The following ST6GALNAC5 variants were observed in gnomAD, a reference collection of about 807,000 sequenced individuals.
The protein encoded by ST6GALNAC5 is ST6 N-acetylgalactosaminide alpha-2,6-sialyltransferase 5.
Under a neutral mutation model 33.6 loss-of-function variants are expected in ST6GALNAC5, and 27 were observed. The observed-to-expected ratio is 0.80, with a 90% CI of 0.59 to 1.11. The LOEUF is 1.11. ST6GALNAC5 is among the 50% of genes least tolerant of loss of function. The pLI is 0.00. For synonymous variants in ST6GALNAC5, 194 were observed against 171.2 expected (o/e 1.13, Z -1.04); for missense variants, 428 against 454.0 (o/e 0.94, Z 0.52).
At chr1:76,920,279 A>T (rs1239355556) in intron 2 of ST6GALNAC5, among the ~76,000 whole-genome samples, 2 of 152,196 alleles carry the variant, frequency 1.3e-5, no homozygotes, top group Non-Finnish European at 2.9e-5. Flanking sequence ...TTAGAAATTT[A>T]AAAATCCAGG....
intron 2 of ST6GALNAC5, among the ~76,000 whole-genome samples, chr1:76,949,234 T>C (rs901864146): frequency 6.6e-6 from 1 of 152,122 alleles, no homozygotes; most frequent in African/African-American, 2.4e-5. Context: ...TTCTCATGAG[T>C]GTTAAGAACT....
rs576305916 is a variant in ST6GALNAC5 at position 77,004,769 on chromosome 1, C to T, written c.262-39435C>T. On this transcript the variant is annotated intron_variant, in intron 2 of 4. Transcript: ENST00000477717. ...CCTGCCGTGTGAGGTGTCAGTGTGC[C>T]CCTGCTGGAGGGGTGCCTCCCAGTT... Among the ~76,000 whole-genome samples, 3 of 125,948 alleles carry T rather than the reference C, an allele frequency of 2.4e-5. No homozygotes were observed. The South Asian group carries it at 7.9e-4, about 33-fold the overall frequency. 82.6% of individuals were successfully genotyped at this position (125,948 alleles called of 152,430 possible).
At chr1:76,878,352 G>A (rs1231026949) in intron 2 of ST6GALNAC5, among the ~76,000 whole-genome samples, 2 of 152,092 alleles carry the variant, frequency 1.3e-5, no homozygotes, top group Non-Finnish European at 2.9e-5. Flanking sequence ...TACAGGATGA[G>A]TCTGGGGACC....
chr1:76,927,952 A>T (rs1647101812), intron 2 of ST6GALNAC5, among the ~76,000 whole-genome samples: 2 of 152,188 alleles, frequency 1.3e-5, no homozygotes, highest in Non-Finnish European at 2.9e-5. Flanking sequence ...CAGAAGAGTA[A>T]CCACATGTTG....
intron 2 of ST6GALNAC5, among the ~76,000 whole-genome samples, chr1:76,987,657 A>G (rs538183871): frequency 6.6e-6 from 1 of 152,312 alleles, no homozygotes; most frequent in East Asian, 1.9e-4. Flanking sequence ...TAGCAGCACC[A>G]GACACAACAG....
chr1:76,989,443 A>G (rs536179618), intron 2 of ST6GALNAC5, among the ~76,000 whole-genome samples: 1 of 152,186 alleles, frequency 6.6e-6, no homozygotes, highest in East Asian at 1.9e-4. Context: ...TTTTTCCTCC[A>G]AATTCATGGC....
At chr1:76,997,477 G>A (rs1234050011) in intron 2 of ST6GALNAC5, among the ~76,000 whole-genome samples, 3 of 152,150 alleles carry the variant, frequency 2.0e-5, no homozygotes, top group Non-Finnish European at 4.4e-5. Flanking sequence ...AAGCAGTGCT[G>A]TATTATGGAA....
At chr1:76,956,323 G>A (rs1029931072) in intron 2 of ST6GALNAC5, among the ~76,000 whole-genome samples, 1 of 151,762 alleles carries the variant, frequency 6.6e-6, no homozygotes, top group Non-Finnish European at 1.5e-5. Flanking sequence ...ATATAATGCT[G>A]TGTTACAGGA....
intron 4 of ST6GALNAC5, among the ~76,000 whole-genome samples, chr1:77,062,657 T>C (rs971674853): frequency 3.3e-5 from 5 of 152,152 alleles, no homozygotes; most frequent in South Asian, 4.1e-4. Flanking sequence ...CAGCTGCTTA[T>C]GGTAAATAGA....
At chr1:77,062,691 C>T (rs1388300653) in intron 4 of ST6GALNAC5, among the ~76,000 whole-genome samples, 1 of 152,068 alleles carries the variant, frequency 6.6e-6, no homozygotes, top group East Asian at 1.9e-4. Context: ...GAAAACAATA[C>T]TATTGTTGTG....
intron 2 of ST6GALNAC5, among the ~76,000 whole-genome samples, chr1:77,019,714 T>C (rs923162590): frequency 2.0e-5 from 3 of 152,216 alleles, no homozygotes; most frequent in South Asian, 2.1e-4. Context: ...CCAGTTGCAA[T>C]TGAAGTGTTT....
At chr1:76,880,801 T>G (rs976952820) in intron 2 of ST6GALNAC5, among the ~76,000 whole-genome samples, 2 of 152,210 alleles carry the variant, frequency 1.3e-5, no homozygotes, top group African/African-American at 2.4e-5. Context: ...AGTTGACACT[T>G]AGCATTAACT....
At chr1:77,047,869 A>T (rs769063314) in intron 3 of ST6GALNAC5, among the ~76,000 whole-genome samples, 10 of 152,246 alleles carry the variant, frequency 6.6e-5, no homozygotes, top group Non-Finnish European at 1.5e-4. Context: ...AGAATATCTG[A>T]TAATTTTCCC....
At chr1:77,019,671 A>T (rs140808489) in intron 2 of ST6GALNAC5, among the ~76,000 whole-genome samples, 1 of 152,200 alleles carries the variant, frequency 6.6e-6, no homozygotes, top group Non-Finnish European at 1.5e-5. Context: ...TCATGCTGAT[A>T]TGAGTAGCAG....
At position 76,953,183 on chromosome 1, in the gene ST6GALNAC5, C is replaced by T. The variant is rs190167648; in HGVS notation, c.261+84441C>T. The stretch of plus-strand genomic sequence containing the variant: ...GTATATAGATTTTATGCGAATATAA[C>T]TTTTCATTTTTCTGGGATAAGTGCC... On this transcript the variant is annotated intron_variant, in intron 2 of 4. Coordinates refer to ENST00000477717, the MANE Select transcript of ST6GALNAC5 (RefSeq NM_030965.3). 2.4e-3 allele frequency among the ~76,000 whole-genome samples: 368 copies of T among 152,160 alleles called. 3 individuals are homozygous for T. Among genetic ancestry groups the T allele is most frequent in the African/African-American group, 8.3e-3 (346 of 41,542 alleles).
intron 2 of ST6GALNAC5, among the ~76,000 whole-genome samples, chr1:76,874,159 A>G (rs2100913405): frequency 6.6e-6 from 1 of 152,364 alleles, no homozygotes; most frequent in South Asian, 2.1e-4. Context: ...ACTCTTTATT[A>G]GCCTCATATC....
At chr1:77,050,199 T>TG (rs1652172983) in intron 3 of ST6GALNAC5, 59 bp from the exon 4 acceptor site, 2 of 1,388,090 alleles carry the variant, frequency 1.4e-6, no homozygotes, top group South Asian at 2.3e-5. Context: ...GAATTAAAGA[T>TG]GGTAGTGGGT....
At chr1:76,944,356 A>C (rs1647437932) in intron 2 of ST6GALNAC5, among the ~76,000 whole-genome samples, 1 of 152,130 alleles carries the variant, frequency 6.6e-6, no homozygotes, top group African/African-American at 2.4e-5. Context: ...CATGAAAAAG[A>C]GAAAGTTCTG....
intron 2 of ST6GALNAC5, among the ~76,000 whole-genome samples, chr1:77,021,516 G>A (rs1005767039): frequency 6.6e-6 from 1 of 152,168 alleles, no homozygotes; most frequent in Non-Finnish European, 1.5e-5. Flanking sequence ...TGATATGTGT[G>A]TGTCTCCTCC....
Sources: gnomAD v4.1 joint callset for allele counts (sites outside exome capture counted in the v4.1 genomes callset) on GRCh38, gnomAD v4.1.1 for gene constraint, MANE v1.5 for transcripts, NCBI Gene and HGNC (gene_info 2026-07-23, HGNC 2026-07-21) for gene names.